The following STAP1 variants were observed in gnomAD, a reference collection of about 807,000 sequenced individuals.
STAP1 encodes signal transducing adaptor family member 1, also known as signal-transducing adaptor protein 1.
In STAP1, 30 loss-of-function variants were observed where a neutral mutation model predicts 37.8. The ratio of observed to expected loss-of-function variants is 0.79; its 90% CI spans 0.59 to 1.08. The LOEUF is 1.08. Ranked by LOEUF, STAP1 falls within the 50% of genes least tolerant of loss-of-function variation. The probability of loss-of-function intolerance (pLI) is 0.00; values close to 1 mark genes in which losing one functional copy is unlikely to be tolerated. For missense variants in STAP1, 357 were observed against 349.4 expected (o/e 1.02, Z -0.17); for synonymous variants, 130 against 116.0 (o/e 1.12, Z -0.78).
chr4:67,593,384 A>C (rs770723149), intron 8 of STAP1, 28 bp downstream of exon 8: 6 of 1,527,464 alleles, frequency 3.9e-6, no homozygotes, highest in Non-Finnish European at 5.4e-6. Context: ...TTGCTATGTT[A>C]AGGGAAACAA....
intron 1 of STAP1, among the ~76,000 whole-genome samples, chr4:67,567,533 G>A (rs985705657): frequency 2.0e-5 from 3 of 152,168 alleles, no homozygotes; most frequent in African/African-American, 7.2e-5. Context: ...ATCCTATAAA[G>A]AGGCTGAATC....
At chr4:67,570,810 G>T (rs1350630247) in intron 1 of STAP1, among the ~76,000 whole-genome samples, 2 of 151,976 alleles carry the variant, frequency 1.3e-5, no homozygotes, top group African/African-American at 4.8e-5. Context: ...TATGCCTGTA[G>T]TCCCAGCTAC....
At chr4:67,586,434 G>A (rs891781915) in intron 6 of STAP1, among the ~76,000 whole-genome samples, 2 of 152,142 alleles carry the variant, frequency 1.3e-5, no homozygotes, top group African/African-American at 4.8e-5. Context: ...TCCAGCATGG[G>A]CAAGAAAGCA....
chr4:67,568,246 A>C (rs1727516817), intron 1 of STAP1, among the ~76,000 whole-genome samples: 1 of 152,254 alleles, frequency 6.6e-6, no homozygotes, highest in African/African-American at 2.4e-5. Context: ...AAATACCATA[A>C]GACAAAGTAT....
chr4:67,582,038 G>T (rs1727872436), intron 5 of STAP1, among the ~76,000 whole-genome samples: 1 of 152,002 alleles, frequency 6.6e-6, no homozygotes, highest in Admixed American at 6.6e-5. Flanking sequence ...AATCTTGGTG[G>T]TGTTGTCAAT....
At chr4:67,569,148 G>A (rs1727542717) in intron 1 of STAP1, among the ~76,000 whole-genome samples, 1 of 152,134 alleles carries the variant, frequency 6.6e-6, no homozygotes, top group South Asian at 2.1e-4. Flanking sequence ...GCATGTTATT[G>A]TATTAAATAC....
chr4:67,602,735 CTGTG>C (rs1245668102), intron 8 of STAP1, among the ~76,000 whole-genome samples: 4 of 151,992 alleles, frequency 2.6e-5, no homozygotes, highest in African/African-American at 7.2e-5. Flanking sequence ...CTCTCTCTCT[CTGTG>C]TGTGTGTGCT....
chr4:67,606,307 A>G lies in STAP1; in HGVS notation c.838A>G (p.Ser280Gly). The G allele has an allele frequency of 2.5e-6, 4 of 1,612,194 alleles. No homozygotes were observed. The highest frequency in any genetic ancestry group is 2.5e-6 in the Non-Finnish European group (3 of 1,179,382). ...STDENTGQEP[S>G]MEGRSEKLKK... Reference sequence around the variant, plus strand: ...CCCACAATTTCTAGGTCAAGAACCCAGTATGGAAGGGAGAAGTGAAAAGTT... The same window carrying G: ...CCCACAATTTCTAGGTCAAGAACCCGGTATGGAAGGGAGAAGTGAAAAGTT... Residue 280 changes from serine to glycine, a missense_variant, in exon 9 of 9, where the codon AGT (serine) becomes GGT (glycine). Ser to Gly is a moderately conservative substitution (Grantham distance 56). Transcript: ENST00000265404.
chr4:67,563,267 T>C (rs1727392286), intron 1 of STAP1, among the ~76,000 whole-genome samples: 1 of 152,230 alleles, frequency 6.6e-6, no homozygotes. Context: ...AATAGGTTGC[T>C]CCAATGACTA....
At chr4:67,606,237 A>G (rs771263840) in intron 8 of STAP1, 59 bp from the exon 9 acceptor site, 26 of 1,435,496 alleles carry the variant, frequency 1.8e-5, no homozygotes, top group Non-Finnish European at 2.5e-5. Context: ...GAAAATAAAG[A>G]ACCACCGTTT....
chr4:67,586,158 C>A (rs997602626), intron 6 of STAP1, among the ~76,000 whole-genome samples: 6 of 152,052 alleles, frequency 3.9e-5, no homozygotes, highest in African/African-American at 1.2e-4. Context: ...CTGACAGCTC[C>A]ATAAAGACTG....
intron 8 of STAP1, among the ~76,000 whole-genome samples, chr4:67,595,614 C>T (rs778401484): frequency 1.2e-4 from 19 of 152,090 alleles, no homozygotes; most frequent in African/African-American, 2.7e-4. Flanking sequence ...CATTTTTGTA[C>T]GGATTAATTT....
intron 1 of STAP1, among the ~76,000 whole-genome samples, chr4:67,566,629 ACT>A: frequency 6.6e-6 from 1 of 152,150 alleles, no homozygotes; most frequent in African/African-American, 2.4e-5. Context: ...ACTCAGTCCT[ACT>A]CTCTGCAAAG....
intron 1 of STAP1, among the ~76,000 whole-genome samples, chr4:67,570,024 C>T (rs1560457110): frequency 6.6e-6 from 1 of 152,090 alleles, no homozygotes; most frequent in Non-Finnish European, 1.5e-5. Context: ...GCCACCAGGC[C>T]CAGCCCCAGT....
intron 4 of STAP1, among the ~76,000 whole-genome samples, chr4:67,578,570 T>C (rs959231714): frequency 5.9e-5 from 9 of 152,128 alleles, no homozygotes; most frequent in African/African-American, 1.9e-4. Flanking sequence ...TTTCCCTCTG[T>C]TGTGGAAAAT....
chr4:67,596,104 C>T (rs767748726), intron 8 of STAP1, among the ~76,000 whole-genome samples: 4 of 152,024 alleles, frequency 2.6e-5, no homozygotes, highest in Non-Finnish European at 4.4e-5. Flanking sequence ...GAATCGTAAT[C>T]CCCAAATGTT....
intron 1 of STAP1, 120 bp from the exon 2 acceptor site, chr4:67,570,964 C>A: frequency 1.2e-6 from 1 of 803,706 alleles, no homozygotes; most frequent in Non-Finnish European, 2.1e-6. Flanking sequence ...TAGAATTATC[C>A]AGGATAAAGA....
intron 8 of STAP1, among the ~76,000 whole-genome samples, chr4:67,603,844 G>A (rs773533672): frequency 2.9e-4 from 44 of 151,898 alleles, no homozygotes; most frequent in Non-Finnish European, 4.9e-4. Context: ...TGGGGGAGGG[G>A]TGCCACAAGC....
intron 6 of STAP1, among the ~76,000 whole-genome samples, chr4:67,588,701 G>T (rs912223562): frequency 3.9e-5 from 6 of 152,124 alleles, no homozygotes; most frequent in African/African-American, 7.2e-5. Context: ...GAACCACTGC[G>T]CCCGGCCAAT....
Sources: gnomAD v4.1 joint callset for allele counts (sites outside exome capture counted in the v4.1 genomes callset) on GRCh38, gnomAD v4.1.1 for gene constraint, MANE v1.5 for transcripts, NCBI Gene and HGNC (gene_info 2026-07-23, HGNC 2026-07-21) for gene names.